Variants in DRG1 observed in about 807,000 individuals in gnomAD.
DRG1 encodes the protein developmentally-regulated GTP-binding protein 1.
A neutral mutation model predicts 38.8 loss-of-function variants in DRG1; 19 were observed. The observed-to-expected ratio is 0.49, with a 90% confidence interval of 0.34 to 0.72. DRG1 has a LOEUF of 0.72. DRG1 is among the 30% of genes least tolerant of loss of function. DRG1 has a pLI of 0.01. For synonymous variants in DRG1, 167 were observed against 157.5 expected (o/e 1.06, Z -0.45); for missense variants, 299 against 444.8 (o/e 0.67, Z 2.95).
In DRG1 at chr22:31,400,695, C is replaced by G. The variant is rs1391978939; in HGVS notation, c.118C>G (p.Arg40Gly). ...LLKARLAKLRRELITPKGGGG... is the reference protein window; with the variant it reads ...LLKARLAKLRGELITPKGGGG... Reference sequence around the variant, plus strand: ...TAAGGCTCGTCTTGCTAAGCTTCGTCGAGAACTCATTACTCCAAAGGGTGG... The same window carrying G: ...TAAGGCTCGTCTTGCTAAGCTTCGTGGAGAACTCATTACTCCAAAGGGTGG... The change falls in exon 2 of 9, where the codon CGA (arginine) becomes GGA (glycine). Residue 40 changes from arginine to glycine, a missense_variant. This residue lies in a region of DRG1 where 51 missense variants were observed against 56.1 expected (regional missense o/e 0.91). Transcript: ENST00000331457. 6.2e-7 allele frequency: 1 copy of G among 1,613,336 alleles called. No homozygotes were observed. Among genetic ancestry groups the G allele is most frequent in the Non-Finnish European group, 8.5e-7 (1 of 1,179,598 alleles).
intron 8 of DRG1, among the ~76,000 whole-genome samples, chr22:31,428,750 T>C (rs559415380): frequency 9.2e-5 from 14 of 152,236 alleles, no homozygotes; most frequent in Non-Finnish European, 2.1e-4. Context: ...CCTTAGACTT[T>C]CACTGTCATT....
At chr22:31,422,023 G>A (rs1329801837) in intron 5 of DRG1, among the ~76,000 whole-genome samples, 1 of 152,028 alleles carries the variant, frequency 6.6e-6, no homozygotes, top group Admixed American at 6.6e-5. Context: ...GCTGAGGCAG[G>A]AGAATCGAAC....
intron 5 of DRG1, among the ~76,000 whole-genome samples, chr22:31,423,012 C>G (rs2050085322): frequency 6.6e-6 from 1 of 152,144 alleles, no homozygotes; most frequent in Admixed American, 6.6e-5. Context: ...AAGACCCTAT[C>G]TCCAAATACA....
intron 1 of DRG1, 53 bp from the exon 2 acceptor site, chr22:31,400,567 C>T: frequency 6.3e-7 from 1 of 1,594,132 alleles, no homozygotes; most frequent in Non-Finnish European, 8.6e-7. Flanking sequence ...CCTCTCAAAG[C>T]TGGGGGAAGC....
At chr22:31,415,630 G>A (rs980482623) in intron 4 of DRG1, among the ~76,000 whole-genome samples, 6 of 152,250 alleles carry the variant, frequency 3.9e-5, no homozygotes, top group Admixed American at 2.6e-4. Flanking sequence ...CCAAAGTGCT[G>A]AGATTACAGG....
intron 3 of DRG1, among the ~76,000 whole-genome samples, chr22:31,406,428 A>T (rs1459951218): frequency 6.6e-6 from 1 of 152,074 alleles, no homozygotes; most frequent in African/African-American, 2.4e-5. Context: ...TTTTGCATTC[A>T]TGTTGGTGAG....
intron 2 of DRG1, 140 bp from the exon 3 acceptor site, chr22:31,402,889 G>A: frequency 1.1e-6 from 1 of 903,162 alleles, no homozygotes; most frequent in Non-Finnish European, 1.6e-6. Context: ...GTGTGCTTTA[G>A]TTCTCCTTTA....
intron 3 of DRG1, among the ~76,000 whole-genome samples, chr22:31,405,587 G>C (rs1232065806): frequency 6.6e-6 from 1 of 151,692 alleles, no homozygotes; most frequent in Non-Finnish European, 1.5e-5. Flanking sequence ...TCATATTCCA[G>C]TTTTGAACAG....
chr22:31,407,685 CT>C (rs71319190), intron 3 of DRG1, among the ~76,000 whole-genome samples: 298 of 137,174 alleles, frequency 2.2e-3, no homozygotes, highest in Middle Eastern at 0.011. Flanking sequence ...TTTCATTTTT[CT>C]TTTTTTTTTT....
At chr22:31,424,454 GT>G (rs1241415322) in intron 6 of DRG1, among the ~76,000 whole-genome samples, 2 of 137,892 alleles carry the variant, frequency 1.5e-5, no homozygotes, top group Non-Finnish European at 3.1e-5. Context: ...TCCAGCCTGT[GT>G]TACTATCTTA....
chr22:31,410,810 C>T (rs2050014301), intron 3 of DRG1, among the ~76,000 whole-genome samples: 2 of 149,800 alleles, frequency 1.3e-5, no homozygotes, highest in Admixed American at 1.3e-4. Context: ...CATGAAACTC[C>T]ATCTCCAAAA....
chr22:31,421,393 A>T (rs1172229960), intron 5 of DRG1: 1 of 146,194 alleles, frequency 6.8e-6, no homozygotes, highest in Non-Finnish European at 1.5e-5. Context: ...AAGTGTTGGG[A>T]TTACAGGTAT....
chr22:31,422,607 A>G (rs1471786219), intron 5 of DRG1, among the ~76,000 whole-genome samples: 1 of 152,178 alleles, frequency 6.6e-6, no homozygotes, highest in Non-Finnish European at 1.5e-5. Context: ...AGAGTTTCCT[A>G]CTAAATTTAA....
intron 6 of DRG1, 76 bp from the exon 7 acceptor site, chr22:31,426,539 G>A: frequency 7.4e-7 from 1 of 1,351,442 alleles, no homozygotes; most frequent in Non-Finnish European, 1.0e-6. Flanking sequence ...GTCTGGGTGA[G>A]GGTGTGCTGT....
intron 4 of DRG1, among the ~76,000 whole-genome samples, chr22:31,414,573 T>C (rs769981652): frequency 2.6e-5 from 4 of 152,178 alleles, no homozygotes; most frequent in Non-Finnish European, 5.9e-5. Context: ...CAAATCTTTT[T>C]TTCCCTTTCA....
rs56977172 is a variant in DRG1 at position 31,432,669 on chromosome 22, G to A, written c.1005-1203G>A. Among the ~76,000 whole-genome samples the A allele has an allele frequency of 3.1e-3, 473 of 151,954 alleles. 2 individuals are homozygous for A. The highest frequency in any genetic ancestry group is 0.011 in the African/African-American group (461 of 41,470). ...TCTCGATCTCTTGACCTCATGATCCGCCCGCCTGGGCCTCCCAAATGCTGG... is the reference window on the plus strand; with the variant it reads ...TCTCGATCTCTTGACCTCATGATCCACCCGCCTGGGCCTCCCAAATGCTGG... On this transcript the variant is annotated intron_variant, in intron 8 of 8. Coordinates refer to ENST00000331457, the MANE Select transcript of DRG1 (RefSeq NM_004147.4).
intron 2 of DRG1, among the ~76,000 whole-genome samples, chr22:31,401,696 C>T (rs1451876015): frequency 6.6e-6 from 1 of 151,636 alleles, no homozygotes; most frequent in Non-Finnish European, 1.5e-5. Flanking sequence ...GTTGAGGCTG[C>T]AGTGAGTTGT....
intron 8 of DRG1, among the ~76,000 whole-genome samples, chr22:31,431,358 A>G (rs1233217324): frequency 1.3e-5 from 2 of 152,088 alleles, no homozygotes; most frequent in African/African-American, 4.8e-5. Flanking sequence ...AATAGGAAAA[A>G]GGGTTAAAAA....
chr22:31,400,950 A>C (rs2049957782), intron 2 of DRG1, among the ~76,000 whole-genome samples: 1 of 151,042 alleles, frequency 6.6e-6, no homozygotes, highest in Admixed American at 6.6e-5. Context: ...TCTCAAAAAA[A>C]AAAAAAAGTT....
Sources: allele counts gnomAD v4.1 joint callset (sites outside exome capture counted in the v4.1 genomes callset), GRCh38; gene constraint gnomAD v4.1.1; regional missense constraint gnomAD v4.1.1; transcripts MANE v1.5; gene names NCBI Gene and HGNC (gene_info 2026-07-23, HGNC 2026-07-21).